Variants in PIEZO2 observed in about 807,000 individuals in gnomAD.
PIEZO2 encodes the protein piezo-type mechanosensitive ion channel component 2.
In PIEZO2, 172 loss-of-function variants were observed where a neutral mutation model predicts 337.3. The ratio of observed to expected loss-of-function variants is 0.51; its 90% CI spans 0.45 to 0.58. PIEZO2 has a LOEUF of 0.58. PIEZO2 is among the 20% of genes least tolerant of loss of function. The probability of loss-of-function intolerance (pLI) is 0.00; values close to 1 mark genes in which losing one functional copy is unlikely to be tolerated. For synonymous variants in PIEZO2, 1,251 were observed against 1,228.5 expected (o/e 1.02, Z -0.38); for missense variants, 3,028 against 3,391.3 (o/e 0.89, Z 2.66).
At chr18:11,030,644 C>T (rs892796390) in intron 2 of PIEZO2, among the ~76,000 whole-genome samples, 4 of 152,114 alleles carry the variant, frequency 2.6e-5, no homozygotes, top group Non-Finnish European at 4.4e-5. Context: ...GAGTTAGAAA[C>T]GCTGGTCCCT....
intron 7 of PIEZO2, among the ~76,000 whole-genome samples, chr18:10,811,830 T>G (rs905693742): frequency 3.9e-5 from 6 of 152,244 alleles, no homozygotes; most frequent in Non-Finnish European, 7.3e-5. Flanking sequence ...GTTGTTGTTG[T>G]TTTTTTCTTT....
At position 10,788,427 on chromosome 18, in the gene PIEZO2, AAAGGAAGGAAGGAAGGAAGG is replaced by A. The variant is rs10532745; in HGVS notation, c.2169+632_2169+651del. Among the ~76,000 whole-genome samples, 42 of 123,960 alleles carry A rather than the reference AAAGGAAGGAAGGAAGGAAGG, an allele frequency of 3.4e-4. No homozygotes were observed. The East Asian group carries it at 3.5e-3, about 10-fold the overall frequency. 81.3% of individuals were successfully genotyped at this position (123,960 alleles called of 152,430 possible). A position where few individuals can be genotyped will look rare whatever the true frequency, so the allele number is the denominator to read the frequency against. ...CTGTCTCAAAAAAAAAAAAAGAAAG[AAAGGAAGGAAGGAAGGAAGG>A]AAGGAAGGAAGGAAGGAAGGAAGGA... On this transcript the variant is annotated intron_variant, in intron 15 of 55. Transcript: ENST00000674853.
intron 36 of PIEZO2, among the ~76,000 whole-genome samples, 152 bp from the exon 37 acceptor site, chr18:10,718,411 C>T (rs1433505378): frequency 6.6e-6 from 1 of 152,198 alleles, no homozygotes; most frequent in Non-Finnish European, 1.5e-5. Context: ...GAATTCATAG[C>T]TCTTAGATTA....
chr18:10,858,330 A>ACCCCC (rs1322740075), intron 5 of PIEZO2, among the ~76,000 whole-genome samples: 9 of 137,090 alleles, frequency 6.6e-5, no homozygotes, highest in African/African-American at 2.6e-4. Flanking sequence ...CCAAAAAAAA[A>ACCCCC]AAAAAAAAAA....
At chr18:11,053,484 C>T (rs762336230) in intron 2 of PIEZO2, among the ~76,000 whole-genome samples, 2 of 152,156 alleles carry the variant, frequency 1.3e-5, no homozygotes, top group African/African-American at 4.8e-5. Context: ...GACAGGGTTT[C>T]GCAACATTGC....
At position 10,862,392 on chromosome 18, in the gene PIEZO2, G is replaced by A. The variant is rs1037223102; in HGVS notation, c.493-5181C>T. Among the ~76,000 whole-genome samples, 3 of 152,096 alleles carry A rather than the reference G, an allele frequency of 2.0e-5. No individual in the cohort carries two copies. The highest frequency in any genetic ancestry group is 4.4e-5 in the Non-Finnish European group (3 of 68,018). On this transcript the variant is annotated intron_variant, in intron 5 of 55. Transcript: ENST00000674853. This position sits in a 1 kb window ranked among gnomAD's most constrained non-coding sequence, Gnocchi z 4.4. Reference sequence around the variant, plus strand: ...CCTGTTCTCTGTTAGGGCCCTGAATGAGGGCCTAAACACAAAGCTCTCATC... The same window carrying A: ...CCTGTTCTCTGTTAGGGCCCTGAATAAGGGCCTAAACACAAAGCTCTCATC...
At position 10,775,919 on chromosome 18, in the gene PIEZO2, G is replaced by GA. The variant is rs11310497; in HGVS notation, c.2535-1882dup. Among the ~76,000 whole-genome samples the GA allele has an allele frequency of 4.7e-5, 7 of 150,152 alleles. No individual in the cohort carries two copies. Among genetic ancestry groups the GA allele is most frequent in the African/African-American group, 1.7e-4 (7 of 40,728 alleles). On this transcript the variant is annotated intron_variant, in intron 18 of 55. Transcript: ENST00000674853. This position sits in a 1 kb window ranked among gnomAD's most constrained non-coding sequence, Gnocchi z 4.3. ...GAGCTTGTAATGGATGACAAAAAAA[G>GA]AAAAAAAAAAAGAAATTATGTATCA... is the stretch of plus-strand genomic sequence containing the variant.
chr18:11,008,083 T>C (rs1054663951), intron 2 of PIEZO2, among the ~76,000 whole-genome samples: 3 of 152,200 alleles, frequency 2.0e-5, no homozygotes, highest in Admixed American at 2.0e-4. Context: ...TATATGTATA[T>C]ATGAGGAAAA....
chr18:10,784,497 A>G lies in PIEZO2; in HGVS notation c.2492+287T>C, dbSNP rs2039144615. 6.6e-6 allele frequency among the ~76,000 whole-genome samples: 1 copy of G among 152,202 alleles called. No homozygotes were observed. ...ACATATAACCAGCCTAGACACAAAT[A>G]CACATATCAACTCTAAAATATTTAA... On this transcript the variant is annotated intron_variant, in intron 17 of 55. Coordinates refer to ENST00000674853, the MANE Select transcript of PIEZO2 (RefSeq NM_001378183.1). The surrounding 1 kb of genome is among the most constrained non-coding windows in gnomAD (Gnocchi z 4.5).
chr18:11,093,447 G>C (rs1343843860), intron 1 of PIEZO2, among the ~76,000 whole-genome samples: 1 of 152,148 alleles, frequency 6.6e-6, no homozygotes, highest in Non-Finnish European at 1.5e-5. Context: ...TCTGATGATG[G>C]GATCAGATGA....
intron 37 of PIEZO2, among the ~76,000 whole-genome samples, 200 bp downstream of exon 37, chr18:10,718,000 T>C (rs951095003): frequency 1.3e-5 from 2 of 152,226 alleles, no homozygotes; most frequent in African/African-American, 4.8e-5. Context: ...TTTATCCAAC[T>C]GCATAAAGTC....
intron 2 of PIEZO2, among the ~76,000 whole-genome samples, chr18:11,043,911 T>C (rs998943042): frequency 6.6e-6 from 1 of 151,984 alleles, no homozygotes; most frequent in Non-Finnish European, 1.5e-5. Context: ...TGACCTCAGG[T>C]GATCCACCTG....
Position 10,758,048 on chromosome 18 carries a change from C to A in PIEZO2, c.3844G>T (p.Asp1282Tyr). The change falls in exon 27 of 56, where the codon GAC becomes TAC. Residue 1282 changes from aspartate (D) to tyrosine (Y), a missense_variant. Physicochemically the swap from Asp to Tyr is radical, Grantham distance 160 (BLOSUM62 -3). This residue lies in a region of PIEZO2 where 1,925 missense variants were observed against 2,051.9 expected (regional missense o/e 0.94). Coordinates refer to ENST00000674853, the MANE Select transcript of PIEZO2 (RefSeq NM_001378183.1). ...AGGTTCATGCAGATCTCGACATTGTCACCTGCCATGATTCGCACTGCAGCC... is the reference window on the plus strand; with the variant it reads ...AGGTTCATGCAGATCTCGACATTGTAACCTGCCATGATTCGCACTGCAGCC... The part of the protein sequence containing the change: ...NKAAVRIMAG[D>Y]NVEICMNLDA... 2 of 1,537,320 alleles carry A rather than the reference C, an allele frequency of 1.3e-6. No individual in the cohort carries two copies. Among genetic ancestry groups the A allele is most frequent in the South Asian group, 2.4e-5 (2 of 84,060 alleles).
rs961209705 is a variant in PIEZO2 at position 10,705,731 on chromosome 18, A to G, written c.5604T>C (p.Cys1868=). The change falls in exon 41 of 56, where the codon TGT becomes TGC. Residue 1868 remains cysteine (C), a synonymous_variant. Coordinates refer to ENST00000674853, the MANE Select transcript of PIEZO2 (RefSeq NM_001378183.1). ...TCCCCTGGCGTGAGTACAGCATGGT[A>G]CACTGCGTGGGCTCGCTGTTGGGAG... is the stretch of plus-strand genomic sequence containing the variant. The part of the protein sequence containing the change: ...GSLASSEPTQ[C]TMLYSRQGTT... 5.2e-6 allele frequency: 8 copies of G among 1,530,686 alleles called. No homozygotes were observed. Among genetic ancestry groups the G allele is most frequent in the Non-Finnish European group, 7.0e-6 (8 of 1,142,980 alleles). The allele number at this position is 1,530,686 out of a possible 1,614,324, so 94.8% of individuals were successfully genotyped here.
intron 1 of PIEZO2, among the ~76,000 whole-genome samples, chr18:11,091,383 CAA>C (rs529307821): frequency 0.011 from 854 of 77,808 alleles, 5 homozygotes; most frequent in African/African-American, 0.034. Flanking sequence ...GACTCCGTCT[CAA>C]AAAAAAAAAA....
Position 11,001,653 on chromosome 18 carries a change from G to A in PIEZO2, c.161-21993C>T, listed in dbSNP as rs146715574. ...AGCACTTTGGGAGGCTGAGGTGGGC[G>A]GATCATCTGAGGTCGGGAGTTCGAG... is the stretch of plus-strand genomic sequence containing the variant. On this transcript the variant is annotated intron_variant, in intron 2 of 55. Coordinates refer to ENST00000674853, the MANE Select transcript of PIEZO2 (RefSeq NM_001378183.1). This position sits in a 1 kb window ranked among gnomAD's most constrained non-coding sequence, Gnocchi z 5.3. 0.035 allele frequency among the ~76,000 whole-genome samples: 5,252 copies of A among 152,026 alleles called. 164 individuals are homozygous for A. The highest frequency in any genetic ancestry group is 0.076 in the African/African-American group (3,165 of 41,422).
chr18:11,061,250 G>A lies in PIEZO2; in HGVS notation c.160+4877C>T, dbSNP rs1277683125. ...TCAATAAATTAGGTATTGATGGGAC[G>A]TATCTCAAAATAATAAGAGCTATCT... On this transcript the variant is annotated intron_variant, in intron 2 of 55. Coordinates refer to ENST00000674853, the MANE Select transcript of PIEZO2 (RefSeq NM_001378183.1). Among the ~76,000 whole-genome samples, 5 of 151,162 alleles carry A rather than the reference G, an allele frequency of 3.3e-5. No individual in the cohort carries two copies. In the South Asian group the frequency reaches 6.4e-4, roughly 19 times the overall value.
chr18:10,875,760 C>T (rs764803657), intron 4 of PIEZO2, among the ~76,000 whole-genome samples: 12 of 152,190 alleles, frequency 7.9e-5, no homozygotes, highest in Admixed American at 3.3e-4. Context: ...TTGCATTAAG[C>T]CCCAATTTGC....
chr18:11,016,616 G>T lies in PIEZO2; in HGVS notation c.161-36956C>A, dbSNP rs1423579519. 1.3e-5 allele frequency among the ~76,000 whole-genome samples: 2 copies of T among 152,154 alleles called. No homozygotes were observed. The highest frequency in any genetic ancestry group is 2.9e-5 in the Non-Finnish European group (2 of 68,032). The stretch of plus-strand genomic sequence containing the variant: ...AACTCAAGGTAAAAAGAAAACAAAT[G>T]CTGGGATTCTGAATACAATCCTAGA... On this transcript the variant is annotated intron_variant, in intron 2 of 55. Transcript: ENST00000674853. The surrounding 1 kb of genome is among the most constrained non-coding windows in gnomAD (Gnocchi z 5.6).
Sources: gnomAD v4.1 joint callset for allele counts (sites outside exome capture counted in the v4.1 genomes callset) on GRCh38, gnomAD v4.1.1 for gene constraint, gnomAD v4.1.1 regional missense constraint, Gnocchi (gnomAD v3.1) non-coding constraint, MANE v1.5 for transcripts, NCBI Gene and HGNC (gene_info 2026-07-23, HGNC 2026-07-21) for gene names.